ANKS1B: variants seen among roughly 807,000 people sequenced by gnomAD.
ANKS1B encodes the protein ankyrin repeat and sterile alpha motif domain containing 1B.
ANKS1B carries 36 observed loss-of-function variants against 148.3 expected under a neutral mutation model. That is an observed-to-expected ratio of 0.24 (90% CI 0.19 to 0.32). The LOEUF is 0.32. ANKS1B is among the 10% of genes least tolerant of loss of function. ANKS1B has a pLI of 1.00. For synonymous variants in ANKS1B, 542 were observed against 560.8 expected (o/e 0.97, Z 0.47); for missense variants, 1,157 against 1,542.6 (o/e 0.75, Z 4.19).
At chr12:99,157,491 T>C (rs1317631167) in intron 14 of ANKS1B, among the ~76,000 whole-genome samples, 1 of 152,192 alleles carries the variant, frequency 6.6e-6, no homozygotes, top group Non-Finnish European at 1.5e-5. Flanking sequence ...TAAATAAACT[T>C]TGTTAAATAA....
intron 10 of ANKS1B, among the ~76,000 whole-genome samples, chr12:99,476,692 G>A (rs561395486): frequency 2.6e-5 from 4 of 152,270 alleles, no homozygotes; most frequent in South Asian, 2.1e-4. Context: ...GAATTAAAAT[G>A]TAGAAGAATA....
At chr12:98,955,608 T>G (rs1427026186) in intron 17 of ANKS1B, among the ~76,000 whole-genome samples, 3 of 152,134 alleles carry the variant, frequency 2.0e-5, no homozygotes, top group Non-Finnish European at 2.9e-5. Context: ...AGTTACATTC[T>G]GCATATATTC....
intron 1 of ANKS1B, among the ~76,000 whole-genome samples, chr12:99,946,111 A>T (rs756718263): frequency 2.7e-4 from 41 of 152,180 alleles, no homozygotes; most frequent in Non-Finnish European, 4.7e-4. Flanking sequence ...CCTAACCTGT[A>T]ATGATTAATA....
chr12:99,443,770 C>T lies in ANKS1B; in HGVS notation c.1478G>A (p.Ser493Asn), dbSNP rs1772458077. Residue 493 changes from serine (S) to asparagine (N), a missense_variant, in exon 11 of 27, where the codon AGT (serine) becomes AAT (asparagine). Physicochemically the swap from Ser to Asn is conservative, Grantham distance 46. Around this residue, in one of 6 missense-constraint regions of ANKS1B, gnomAD observed 661 missense variants for 642.1 expected, o/e 1.03. Coordinates refer to ENST00000683438, the MANE Select transcript of ANKS1B (RefSeq NM_001352186.2). ...SEVAVTTPGTSNHRNSSTGPT... is the reference protein window; with the variant it reads ...SEVAVTTPGTNNHRNSSTGPT... Reference sequence around the variant, plus strand: ...GCCTGTTGAGCTGTTTCTATGGTTACTAGTTCCTGGAGTAGTAACTGCTAC... The same window carrying T: ...GCCTGTTGAGCTGTTTCTATGGTTATTAGTTCCTGGAGTAGTAACTGCTAC... 2 of 1,611,726 alleles carry T rather than the reference C, an allele frequency of 1.2e-6. No individual in the cohort carries two copies. The highest frequency in any genetic ancestry group is 1.7e-6 in the Non-Finnish European group (2 of 1,178,552).
At chr12:98,834,462 T>C (rs941438005) in intron 17 of ANKS1B, among the ~76,000 whole-genome samples, 1 of 152,240 alleles carries the variant, frequency 6.6e-6, no homozygotes, top group African/African-American at 2.4e-5. Context: ...ATACACTGAC[T>C]ATAAAATCCC....
At chr12:99,957,446 A>G (rs1362804699) in intron 1 of ANKS1B, among the ~76,000 whole-genome samples, 2 of 152,226 alleles carry the variant, frequency 1.3e-5, no homozygotes, top group Non-Finnish European at 2.9e-5. Context: ...TGGAATCCAT[A>G]GTGAAAAGTA....
At chr12:98,894,633 A>T (rs879370498) in intron 17 of ANKS1B, 36 of 984,376 alleles carry the variant, frequency 3.7e-5, no homozygotes, top group Non-Finnish European at 4.1e-5. Flanking sequence ...TACTCACCCG[A>T]GCCGCTCGGG....
intron 8 of ANKS1B, among the ~76,000 whole-genome samples, chr12:99,720,099 G>T (rs1157339871): frequency 1.3e-5 from 2 of 152,114 alleles, no homozygotes; most frequent in Admixed American, 6.5e-5. Flanking sequence ...CCATCTCTTA[G>T]AACCTCTCAT....
chr12:98,745,375 C>CTCTTTTTT lies in ANKS1B; in HGVS notation c.*363_*364insAAAAAAGA, dbSNP rs1358559114. 15 of 913,676 alleles carry CTCTTTTTT rather than the reference C, an allele frequency of 1.6e-5. No homozygotes were observed. The highest frequency in any genetic ancestry group is 8.8e-5 in the Admixed American group (1 of 11,392). The allele number at this position is 913,676 out of a possible 1,614,324, so 56.6% of individuals were successfully genotyped here. ...TAGGCAGTATTAGAGATCCCCTTTA[C>CTCTTTTTT]TTTTTTTTTTTTTTTTTTTTTTTTA... On this transcript the variant is annotated 3_prime_UTR_variant, in exon 27 of 27. Transcript: ENST00000683438.
chr12:98,956,622 T>C (rs907142004), intron 17 of ANKS1B, among the ~76,000 whole-genome samples: 1 of 152,022 alleles, frequency 6.6e-6, no homozygotes, highest in Non-Finnish European at 1.5e-5. Flanking sequence ...TCATTCAATT[T>C]TCAGATATAA....
intron 15 of ANKS1B, among the ~76,000 whole-genome samples, chr12:99,121,644 A>C (rs2062920165): frequency 6.6e-6 from 1 of 152,198 alleles, no homozygotes; most frequent in African/African-American, 2.4e-5. Context: ...GCTGCGATGT[A>C]TCCTGGCAGT....
rs370191542 is a variant in ANKS1B at position 99,806,495 on chromosome 12, C to T, written c.578G>A (p.Arg193His). 65 of 1,613,782 alleles carry T rather than the reference C, an allele frequency of 4.0e-5. No individual in the cohort carries two copies. The highest frequency in any genetic ancestry group is 8.9e-5 in the East Asian group (4 of 44,868). ...AHPNLMSCNT[R>H]KHTPLHLAAR... is the part of the protein sequence containing the mutation. ...AGCAAGGTGAAGTGGCGTGTGCTTG[C>T]GAGTGTTGCAGCTCATTAAGTTAGG... Residue 193 changes from arginine to histidine, a missense_variant, in exon 4 of 27, where the codon CGC becomes CAC. Arg to His is a conservative substitution (Grantham distance 29). Transcript: ENST00000683438.
At chr12:99,849,169 C>T (rs568302490) in intron 1 of ANKS1B, among the ~76,000 whole-genome samples, 1 of 151,852 alleles carries the variant, frequency 6.6e-6, no homozygotes, top group East Asian at 1.9e-4. Context: ...TATGTATTCC[C>T]TGAATCTAAA....
intron 9 of ANKS1B, among the ~76,000 whole-genome samples, chr12:99,541,446 G>C (rs2097125295): frequency 6.6e-6 from 1 of 152,062 alleles, no homozygotes; most frequent in Non-Finnish European, 1.5e-5. Context: ...AAGTGCCTCA[G>C]GAATACTTGG....
chr12:99,550,597 C>G (rs891336141), intron 9 of ANKS1B, among the ~76,000 whole-genome samples: 3 of 149,306 alleles, frequency 2.0e-5, no homozygotes, highest in African/African-American at 7.5e-5. Context: ...GCACTCCAGC[C>G]TGGGTGACAG....
chr12:99,567,652 C>T (rs771244451), intron 9 of ANKS1B, among the ~76,000 whole-genome samples: 6 of 152,010 alleles, frequency 3.9e-5, no homozygotes, highest in Non-Finnish European at 8.8e-5. Flanking sequence ...AGGAGAAATT[C>T]AGAAGAGGAA....
chr12:99,471,017 A>T (rs1028716977), intron 10 of ANKS1B, among the ~76,000 whole-genome samples: 1 of 152,142 alleles, frequency 6.6e-6, no homozygotes, highest in African/African-American at 2.4e-5. Context: ...ATTACAATTT[A>T]TTTAGACATA....
intron 14 of ANKS1B, among the ~76,000 whole-genome samples, chr12:99,202,339 C>T (rs982325): frequency 0.14 from 20,651 of 152,236 alleles, 1,581 homozygotes; most frequent in South Asian, 0.3. Flanking sequence ...GTAGAGTTCA[C>T]TCCAGTGACC....
At chr12:99,100,835 G>C (rs995529678) in intron 15 of ANKS1B, among the ~76,000 whole-genome samples, 2 of 152,168 alleles carry the variant, frequency 1.3e-5, no homozygotes, top group Non-Finnish European at 2.9e-5. Flanking sequence ...TGGTCAAAGA[G>C]ACTATTTTTT....
Sources: allele counts gnomAD v4.1 joint callset (sites outside exome capture counted in the v4.1 genomes callset), GRCh38; gene constraint gnomAD v4.1.1; regional missense constraint gnomAD v4.1.1; transcripts MANE v1.5; gene names NCBI Gene and HGNC (gene_info 2026-07-23, HGNC 2026-07-21).